The following NFATC3 variants were observed in gnomAD, a reference collection of about 807,000 sequenced individuals.
The protein encoded by NFATC3 is nuclear factor of activated T-cells, cytoplasmic 3.
A neutral mutation model predicts 98.6 loss-of-function variants in NFATC3; 46 were observed. The ratio of observed to expected loss-of-function variants is 0.47; its 90% CI spans 0.37 to 0.60. The LOEUF is 0.60. Among genes scored for constraint, NFATC3 ranks in the 20% least tolerant of loss-of-function variants. NFATC3 has a pLI of 0.00. For missense variants in NFATC3, 1,256 were observed against 1,295.5 expected (o/e 0.97, Z 0.47); for synonymous variants, 512 against 472.2 (o/e 1.08, Z -1.09).
intron 1 of NFATC3, among the ~76,000 whole-genome samples, chr16:68,087,663 A>C (rs2034462914): frequency 1.3e-5 from 2 of 152,186 alleles, no homozygotes; most frequent in Middle Eastern, 3.2e-3. Context: ...CATTTTCTTC[A>C]TCCAAAAGAA....
At chr16:68,121,146 G>C (rs1292726600) in intron 1 of NFATC3, among the ~76,000 whole-genome samples, 1 of 150,894 alleles carries the variant, frequency 6.6e-6, no homozygotes, top group Non-Finnish European at 1.5e-5. Context: ...TTTTGGATAA[G>C]GGATATTCAG....
At chr16:68,173,383 AT>A (rs2039553356) in intron 5 of NFATC3, among the ~76,000 whole-genome samples, 2 of 152,250 alleles carry the variant, frequency 1.3e-5, no homozygotes, top group African/African-American at 4.8e-5. Context: ...CCTGACCAAC[AT>A]GGTGAAACCC....
At chr16:68,214,474 T>A (rs1226145728) in intron 9 of NFATC3, 1 of 1,569,908 alleles carries the variant, frequency 6.4e-7, no homozygotes, top group African/African-American at 1.4e-5. Context: ...TGTGCCCAAG[T>A]CTGGTATTTG....
At chr16:68,098,300 A>ATTAT (rs1461722980) in intron 1 of NFATC3, among the ~76,000 whole-genome samples, 68 of 94,312 alleles carry the variant, frequency 7.2e-4, no homozygotes, top group African/African-American at 2.9e-3. Context: ...TATTATTATT[A>ATTAT]TTTTTTTTTT....
At chr16:68,117,171 T>G (rs1454631286) in intron 1 of NFATC3, among the ~76,000 whole-genome samples, 1 of 152,188 alleles carries the variant, frequency 6.6e-6, no homozygotes, top group Non-Finnish European at 1.5e-5. Context: ...ATATTTTGAG[T>G]GTTCAGAGGC....
chr16:68,121,874 C>CT (rs2036599634), intron 1 of NFATC3, 113 bp from the exon 2 acceptor site: 6 of 1,299,950 alleles, frequency 4.6e-6, no homozygotes, highest in South Asian at 4.5e-5. Context: ...TTATATCCCA[C>CT]TTTTTTCTCT....
intron 8 of NFATC3, 116 bp from the exon 9 acceptor site, chr16:68,190,652 T>C (rs1380941401): frequency 2.0e-6 from 2 of 1,001,014 alleles, no homozygotes; most frequent in Non-Finnish European, 2.9e-6. Flanking sequence ...CTGCCTTCCT[T>C]GGCATTTGAG....
intron 4 of NFATC3, among the ~76,000 whole-genome samples, chr16:68,165,172 A>G (rs1734894115): frequency 6.6e-6 from 1 of 152,140 alleles, no homozygotes; most frequent in African/African-American, 2.4e-5. Context: ...CTAATTTGAT[A>G]TAACTTGATA....
chr16:68,151,818 C>T (rs938235138), intron 3 of NFATC3, among the ~76,000 whole-genome samples: 1 of 152,142 alleles, frequency 6.6e-6, no homozygotes, highest in African/African-American at 2.4e-5. Flanking sequence ...CCTGTAATCC[C>T]AGCACTTTGG....
intron 1 of NFATC3, among the ~76,000 whole-genome samples, chr16:68,106,954 C>T (rs1002601641): frequency 1.3e-5 from 2 of 152,032 alleles, no homozygotes; most frequent in African/African-American, 2.4e-5. Flanking sequence ...GTGTTGTTCC[C>T]CTCCCTGTGT....
chr16:68,191,820 G>A (rs751621408), intron 9 of NFATC3, 45 bp downstream of exon 9: 5 of 1,598,736 alleles, frequency 3.1e-6, no homozygotes, highest in Non-Finnish European at 4.3e-6. Context: ...AAGATTCAGG[G>A]ACTTTATTCT....
chr16:68,177,073 C>T (rs1343067689), intron 6 of NFATC3, among the ~76,000 whole-genome samples: 11 of 123,622 alleles, frequency 8.9e-5, no homozygotes, highest in African/African-American at 3.0e-4. Flanking sequence ...GATGGAGTTT[C>T]GCTCTTGTTT....
chr16:68,221,696 T>G lies in NFATC3; in HGVS notation c.3107-4654T>G, dbSNP rs530363097. On this transcript the variant is annotated intron_variant, in intron 9 of 9. Coordinates refer to ENST00000346183, the MANE Select transcript of NFATC3 (RefSeq NM_173165.3). ...AGTATAGTCCGCTTGAGCACTACTT[T>G]GTGGAAAATCTTCTGACTTTAACAT... 7 of 676,788 alleles carry G rather than the reference T, an allele frequency of 1.0e-5. No individual in the cohort carries two copies. The South Asian group carries it at 3.9e-4, about 38-fold the overall frequency. 41.9% of individuals were successfully genotyped at this position (676,788 alleles called of 1,614,324 possible). A position where few individuals can be genotyped will look rare whatever the true frequency, so the allele number is the denominator to read the frequency against.
At chr16:68,173,536 C>T (rs2151610846) in intron 5 of NFATC3, among the ~76,000 whole-genome samples, 1 of 152,140 alleles carries the variant, frequency 6.6e-6, no homozygotes, top group African/African-American at 2.4e-5. Context: ...CACTGCACTC[C>T]AGCCTGGGCG....
At chr16:68,144,098 A>G (rs1036071398) in intron 3 of NFATC3, among the ~76,000 whole-genome samples, 6 of 152,220 alleles carry the variant, frequency 3.9e-5, no homozygotes, top group Non-Finnish European at 1.5e-5. Context: ...TGCAAAGCAT[A>G]TATCTGTCAA....
chr16:68,193,605 G>T (rs2040535408), intron 9 of NFATC3, among the ~76,000 whole-genome samples: 2 of 152,108 alleles, frequency 1.3e-5, no homozygotes, highest in South Asian at 4.1e-4. Flanking sequence ...GGAGTTCTAG[G>T]CTGCAGTGAG....
chr16:68,160,387 T>C (rs2038835535), intron 4 of NFATC3, among the ~76,000 whole-genome samples: 1 of 151,924 alleles, frequency 6.6e-6, no homozygotes, highest in South Asian at 2.1e-4. Flanking sequence ...ATCGCTTGAA[T>C]CCAGGAGGCA....
chr16:68,165,219 A>G (rs1391792890), intron 4 of NFATC3, among the ~76,000 whole-genome samples: 1 of 152,074 alleles, frequency 6.6e-6, no homozygotes, highest in Non-Finnish European at 1.5e-5. Flanking sequence ...GTTCAGTATC[A>G]GTTATATAAT....
intron 4 of NFATC3, among the ~76,000 whole-genome samples, chr16:68,160,819 A>T (rs1189964184): frequency 1.3e-5 from 2 of 152,038 alleles, no homozygotes; most frequent in Non-Finnish European, 2.9e-5. Context: ...CAAGTAGCTG[A>T]GATTGCACAC....
Sources: allele counts gnomAD v4.1 joint callset (sites outside exome capture counted in the v4.1 genomes callset), GRCh38; gene constraint gnomAD v4.1.1; transcripts MANE v1.5; gene names NCBI Gene and HGNC (gene_info 2026-07-23, HGNC 2026-07-21).